PCDH11X: variants seen among roughly 807,000 people sequenced by gnomAD.
The protein encoded by PCDH11X is protocadherin 11 X-linked.
PCDH11X carries 18 observed loss-of-function variants against 53.3 expected under a neutral mutation model. The ratio of observed to expected loss-of-function variants is 0.34; its 90% confidence interval spans 0.23 to 0.50. The LOEUF is 0.50. PCDH11X is among the 20% of genes least tolerant of loss of function. PCDH11X has a pLI of 0.98. For synonymous variants in PCDH11X, 279 were observed against 393.3 expected (o/e 0.71, Z 3.44); for missense variants, 570 against 1,032.4 (o/e 0.55, Z 6.14).
chrX:92,250,186 G>A (rs1047838768), intron 7 of PCDH11X, among the ~76,000 whole-genome samples: 1 of 111,173 alleles, frequency 9.0e-6, no homozygotes, highest in Non-Finnish European at 1.9e-5. Flanking sequence ...CTACATAATT[G>A]TATTAATATA....
chrX:92,012,076 A>C (rs1189458995), intron 6 of PCDH11X, among the ~76,000 whole-genome samples: 1 of 111,245 alleles, frequency 9.0e-6, no homozygotes, highest in Non-Finnish European at 1.9e-5. Flanking sequence ...CCTAATAGGC[A>C]AATCTAGCAT....
At chrX:92,446,832 G>T (rs748262323) in intron 9 of PCDH11X, among the ~76,000 whole-genome samples, 8 of 111,396 alleles carry the variant, frequency 7.2e-5, no homozygotes, top group Non-Finnish European at 1.5e-4. Context: ...AGGAAAATGT[G>T]GGAAAGTTTG....
At chrX:92,544,832 C>T (rs1345345236) in intron 10 of PCDH11X, among the ~76,000 whole-genome samples, 2 of 109,849 alleles carry the variant, frequency 1.8e-5, no homozygotes, top group African/African-American at 6.6e-5. Context: ...TTTTTTAAAG[C>T]AAGGAAAACT....
Position 92,623,012 on chromosome X carries a change from G to A in PCDH11X, c.*4072G>A, listed in dbSNP as rs1040530301. 2 of 110,371 alleles carry A rather than the reference G, an allele frequency of 1.8e-5. No individual in the cohort carries two copies. Among genetic ancestry groups the A allele is most frequent in the African/African-American group, 6.6e-5 (2 of 30,362 alleles). The allele number at this position is 110,371 out of a possible 1,213,427, so 9.1% of individuals were successfully genotyped here. A position where few individuals can be genotyped will look rare whatever the true frequency, so the allele number is the denominator to read the frequency against. On this transcript the variant is annotated 3_prime_UTR_variant, in exon 11 of 11. Coordinates refer to ENST00000682573, the MANE Select transcript of PCDH11X (RefSeq NM_032968.5). ...TGAAATATGTATTTATGTTTGTATT[G>A]TGGGAAGATTCCTCCTCTGTGATAT...
chrX:92,581,773 A>C (rs996408049), intron 10 of PCDH11X, among the ~76,000 whole-genome samples: 7 of 111,372 alleles, frequency 6.3e-5, no homozygotes, highest in South Asian at 7.7e-4. Context: ...AAATGTGGGA[A>C]TGTTTAGAAC....
At chrX:91,845,222 A>G (rs1937608654) in intron 5 of PCDH11X, among the ~76,000 whole-genome samples, 2 of 110,939 alleles carry the variant, frequency 1.8e-5, no homozygotes, top group South Asian at 3.7e-4. Context: ...GGCTACTTAC[A>G]TTGTTTGAAT....
chrX:91,827,605 T>A (rs1169817562), intron 4 of PCDH11X, among the ~76,000 whole-genome samples: 1 of 108,771 alleles, frequency 9.2e-6, no homozygotes, highest in Admixed American at 9.9e-5. Flanking sequence ...GATATTTAAT[T>A]CATTTTGAGT....
intron 6 of PCDH11X, among the ~76,000 whole-genome samples, chrX:91,929,757 G>A (rs1942062526): frequency 9.0e-6 from 1 of 111,489 alleles, no homozygotes; most frequent in African/African-American, 3.3e-5. Context: ...GATTCCAGCA[G>A]CCTTTAAGAA....
chrX:92,445,192 CTTTTTTTT>C (rs778466088), intron 9 of PCDH11X, among the ~76,000 whole-genome samples: 1 of 16,523 alleles, frequency 6.1e-5, no homozygotes, highest in East Asian at 3.0e-3. Context: ...TGGTCCAGGG[CTTTTTTTT>C]TTTTTTTTTT....
At chrX:92,257,331 G>A (rs1316138823) in intron 7 of PCDH11X, among the ~76,000 whole-genome samples, 1 of 110,948 alleles carries the variant, frequency 9.0e-6, no homozygotes, top group Non-Finnish European at 1.9e-5. Context: ...TGAGATTTGA[G>A]TGGGGGCACT....
chrX:92,078,578 G>A (rs2063810269), intron 6 of PCDH11X, among the ~76,000 whole-genome samples: 1 of 111,063 alleles, frequency 9.0e-6, no homozygotes, highest in South Asian at 3.8e-4. Flanking sequence ...TGTTTGTATA[G>A]CATGGTACCA....
At chrX:92,484,019 T>A (rs2073562870) in intron 10 of PCDH11X, among the ~76,000 whole-genome samples, 1 of 106,242 alleles carries the variant, frequency 9.4e-6, no homozygotes, top group Non-Finnish European at 1.9e-5. Flanking sequence ...AGCAGCACAA[T>A]TCACAATTGT....
intron 6 of PCDH11X, among the ~76,000 whole-genome samples, chrX:92,067,331 G>C (rs1303533003): frequency 2.7e-5 from 3 of 109,625 alleles, no homozygotes; most frequent in Middle Eastern, 4.6e-3. Context: ...GTTGAGATAC[G>C]TTCCTTCTAT....
At chrX:92,215,989 A>C (rs1289908332) in intron 7 of PCDH11X, among the ~76,000 whole-genome samples, 1 of 111,191 alleles carries the variant, frequency 9.0e-6, no homozygotes, top group African/African-American at 3.3e-5. Flanking sequence ...CCTGAAGCTG[A>C]GGGTCCTGTT....
intron 10 of PCDH11X, among the ~76,000 whole-genome samples, chrX:92,589,585 A>G (rs1308903435): frequency 4.5e-5 from 5 of 111,852 alleles, no homozygotes; most frequent in East Asian, 2.8e-4. Flanking sequence ...CGAAAAACAT[A>G]CAATGGATAC....
At chrX:91,930,196 T>G (rs1207345388) in intron 6 of PCDH11X, among the ~76,000 whole-genome samples, 1 of 108,099 alleles carries the variant, frequency 9.3e-6, no homozygotes, top group African/African-American at 3.3e-5. Flanking sequence ...ACGTAGACTA[T>G]TCACTGGACT....
rs1373046269 is a variant in PCDH11X, at chrX:91,809,522, A to C, written c.-322A>C. 9.4e-6 allele frequency among the ~76,000 whole-genome samples: 1 copy of C among 106,620 alleles called. No homozygotes were observed. The highest frequency in any genetic ancestry group is 1.9e-5 in the Non-Finnish European group (1 of 51,652). The allele number at this position is 106,620 out of a possible 115,157, so 92.6% of individuals were successfully genotyped here. Reference sequence around the variant, plus strand: ...GGATGAATGGATGGAAGAGGATGGAATATCTTAACAAAACACATTTTCCTT... The same window carrying C: ...GGATGAATGGATGGAAGAGGATGGACTATCTTAACAAAACACATTTTCCTT... On this transcript the variant is annotated 5_prime_UTR_variant, in exon 2 of 11. Transcript: ENST00000682573.
chrX:91,795,430 A>T (rs1167703183), intron 1 of PCDH11X, among the ~76,000 whole-genome samples: 1 of 110,475 alleles, frequency 9.1e-6, no homozygotes, highest in Non-Finnish European at 1.9e-5. Context: ...TTTAAATCAC[A>T]TGTATAATGA....
intron 10 of PCDH11X, among the ~76,000 whole-genome samples, chrX:92,549,079 T>C (rs2074910809): frequency 1.2e-5 from 1 of 86,476 alleles, no homozygotes; most frequent in African/African-American, 4.0e-5. Flanking sequence ...CACTATGTAT[T>C]CTCACAAGGC....
Sources: allele counts gnomAD v4.1 joint callset (sites outside exome capture counted in the v4.1 genomes callset), GRCh38; gene constraint gnomAD v4.1.1; transcripts MANE v1.5; gene names NCBI Gene and HGNC (gene_info 2026-07-23, HGNC 2026-07-21).